Variants in WDR62 observed in about 807,000 individuals in gnomAD.
WDR62 encodes WD repeat domain 62.
A neutral mutation model predicts 160.6 loss-of-function variants in WDR62; 112 were observed. The observed-to-expected ratio is 0.70, with a 90% CI of 0.60 to 0.82. The LOEUF (loss-of-function observed/expected upper bound fraction) is 0.82, where lower values mean the gene tolerates loss of function less well. Among genes scored for constraint, WDR62 ranks in the 40% least tolerant of loss-of-function variants. WDR62 has a pLI of 0.00. For missense variants in WDR62, 1,819 were observed against 1,983.8 expected (o/e 0.92, Z 1.58); for synonymous variants, 792 against 815.1 (o/e 0.97, Z 0.48).
Position 36,071,730 on chromosome 19 carries a change from G to A in WDR62, c.1043+14G>A. 1 of 1,606,844 alleles carries A rather than the reference G, an allele frequency of 6.2e-7. No individual in the cohort carries two copies. The highest frequency in any genetic ancestry group is 8.5e-7 in the Non-Finnish European group (1 of 1,174,726). On this transcript the variant is annotated intron_variant, in intron 8 of 31. Coordinates refer to ENST00000401500, the MANE Select transcript of WDR62 (RefSeq NM_001083961.2). ...CCTGGAGCCCAGGTACTGCCCTGTG[G>A]GGAGAGGGAATGGGAGGGGCCCACC...
rs949925443 is a variant in WDR62 at position 36,100,217 on chromosome 19, C to T, written c.2740-531C>T. On this transcript the variant is annotated intron_variant, in intron 22 of 31. Coordinates refer to ENST00000401500, the MANE Select transcript of WDR62 (RefSeq NM_001083961.2). ...TAGGGCCTGGGCTCTTAGAGGTGCC[C>T]GTGCAACTTTAGCTCTTTCTCTACT... Among the ~76,000 whole-genome samples the T allele has an allele frequency of 2.3e-4, 35 of 152,292 alleles. 1 individual carries two copies. Among genetic ancestry groups the T allele is most frequent in the South Asian group, 1.5e-3 (7 of 4,826 alleles).
At chr19:36,072,952 C>T (rs1384067018) in intron 8 of WDR62, among the ~76,000 whole-genome samples, 1 of 152,156 alleles carries the variant, frequency 6.6e-6, no homozygotes, top group Admixed American at 6.5e-5. Flanking sequence ...GGGACAGCTC[C>T]CCAGCCTCCT....
At chr19:36,080,456 C>T (rs539148023) in intron 9 of WDR62, among the ~76,000 whole-genome samples, 12 of 146,218 alleles carry the variant, frequency 8.2e-5, no homozygotes, top group East Asian at 6.2e-4. Context: ...GATGGAGTTT[C>T]GCTCTTGTTA....
At chr19:36,077,097 C>T (rs1599782102) in intron 9 of WDR62, among the ~76,000 whole-genome samples, 1 of 152,014 alleles carries the variant, frequency 6.6e-6, no homozygotes, top group Admixed American at 6.6e-5. Context: ...CATCATTACT[C>T]TCTAGTTTCA....
At chr19:36,055,197 TC>T (rs1345658897) in intron 1 of WDR62, 49 bp downstream of exon 1, 2 of 1,557,866 alleles carry the variant, frequency 1.3e-6, no homozygotes, top group African/African-American at 1.4e-5. Flanking sequence ...TTCCTAGGTT[TC>T]CCCTAGTCCC....
At chr19:36,078,186 C>T (rs1229803560) in intron 9 of WDR62, among the ~76,000 whole-genome samples, 1 of 147,322 alleles carries the variant, frequency 6.8e-6, no homozygotes, top group Non-Finnish European at 1.5e-5. Flanking sequence ...CTCACTCTGT[C>T]GCCCAGGCTG....
chr19:36,093,102 G>T (rs898923917), intron 19 of WDR62, among the ~76,000 whole-genome samples: 20 of 152,220 alleles, frequency 1.3e-4, no homozygotes, highest in Admixed American at 7.9e-4. Context: ...CTCACAAAGT[G>T]CTGGGATCAC....
chr19:36,085,069 G>T (rs996866836), intron 12 of WDR62, among the ~76,000 whole-genome samples: 75 of 152,178 alleles, frequency 4.9e-4, no homozygotes, highest in African/African-American at 1.8e-3. Flanking sequence ...GAAGCCTATA[G>T]AAATATTGGG....
Position 36,103,412 on chromosome 19 carries a change from C to G in WDR62, c.3584C>G (p.Pro1195Arg). The G allele has an allele frequency of 6.2e-7, 1 of 1,614,098 alleles. No homozygotes were observed. The highest frequency in any genetic ancestry group is 8.5e-7 in the Non-Finnish European group (1 of 1,180,008). ...GTGCTGCCCACAGACAGGAATCTCC[C>G]AACGCCCACATCTGCACCCACCCCA... ...SSVLPTDRNL[P>R]TPTSAPTPGL... The change falls in exon 30 of 32, where the codon CCA (proline) becomes CGA (arginine). Residue 1195 changes from proline to arginine, a missense_variant. Pro to Arg is a moderately radical substitution (Grantham distance 103, BLOSUM62 -2). Coordinates refer to ENST00000401500, the MANE Select transcript of WDR62 (RefSeq NM_001083961.2).
In WDR62 at chr19:36,091,474, T is replaced by C. The variant is rs552574079; in HGVS notation, c.2210+9T>C. The C allele has an allele frequency of 3.7e-6, 6 of 1,613,594 alleles. No individual in the cohort carries two copies. The highest frequency in any genetic ancestry group is 4.2e-6 in the Non-Finnish European group (5 of 1,179,646). ...ACAGTATCTGGAGACAGGTGGGACA[T>C]GGACCTTTGGGAGAGTTGTGGCTCA... On this transcript the variant is annotated intron_variant, in intron 18 of 31. Transcript: ENST00000401500.
chr19:36,086,750 A>C lies in WDR62; in HGVS notation c.1706A>C (p.Asn569Thr). The change falls in exon 13 of 32, where the codon AAC becomes ACC. Residue 569 changes from asparagine (N) to threonine (T), a missense_variant. By Grantham distance (65) the Asn-to-Thr change is moderately conservative. Coordinates refer to ENST00000401500, the MANE Select transcript of WDR62 (RefSeq NM_001083961.2). ...ATCCATGTGCTGAACGTGGAGAAGA[A>C]CTACAACCTGGAGCAGACGCTGGAT... Reference protein sequence around the residue: ...RLIHVLNVEKNYNLEQTLDDH... With the variant: ...RLIHVLNVEKTYNLEQTLDDH... 1.2e-6 allele frequency: 2 copies of C among 1,608,088 alleles called. No homozygotes were observed. Among genetic ancestry groups the C allele is most frequent in the Non-Finnish European group, 1.7e-6 (2 of 1,176,906 alleles).
chr19:36,092,048 C>G (rs974495577), intron 18 of WDR62, among the ~76,000 whole-genome samples: 1 of 152,092 alleles, frequency 6.6e-6, no homozygotes, highest in East Asian at 1.9e-4. Flanking sequence ...CAGTGGCTCA[C>G]GCCTGTGATC....
Position 36,069,358 on chromosome 19 carries a change from G to T in WDR62, c.882+1348G>T, listed in dbSNP as rs187218556. On this transcript the variant is annotated intron_variant, in intron 7 of 31. Transcript: ENST00000401500. ...CGCTCCTCACCTCCCAGACAGGGTC[G>T]CGGCCGGGTAGAGGCGCTCCTCACA... is the stretch of plus-strand genomic sequence containing the variant. Among the ~76,000 whole-genome samples, 1,009 of 152,150 alleles carry T rather than the reference G, an allele frequency of 6.6e-3. 13 individuals carry two copies. The highest frequency in any genetic ancestry group is 0.023 in the African/African-American group (970 of 41,506).
At chr19:36,109,870 A>G (rs1381193241), downstream of WDR62, among the ~76,000 whole-genome samples, 1 of 151,732 alleles carries the variant, frequency 6.6e-6, no homozygotes, top group Non-Finnish European at 1.5e-5. Flanking sequence ...CCTGGCCAAC[A>G]TGGTGAAACC....
rs530123471 is a variant in WDR62, at chr19:36,082,213, G to A, written c.1371+643G>A. 3.9e-5 allele frequency among the ~76,000 whole-genome samples: 6 copies of A among 152,324 alleles called. No individual in the cohort carries two copies. In the East Asian group the frequency reaches 7.7e-4, roughly 20 times the overall value. ...GAGGGCCGACAGTGAACTGACAGCC[G>A]ACCATGTTAATGCACAATCACAAGT... On this transcript the variant is annotated intron_variant, in intron 10 of 31. Transcript: ENST00000401500.
chr19:36,082,989 T>G, intron 10 of WDR62, 74 bp from the exon 11 acceptor site: 18 of 1,348,158 alleles, frequency 1.3e-5, no homozygotes, highest in Non-Finnish European at 1.9e-5. Flanking sequence ...AAGAAGAGAC[T>G]GGCTATGGAG....
chr19:36,104,029 T>G, intron 30 of WDR62, 48 bp downstream of exon 30: 1 of 1,595,306 alleles, frequency 6.3e-7, no homozygotes, highest in Non-Finnish European at 8.5e-7. Flanking sequence ...TCATCCTGTG[T>G]GCTAGTTGGC....
In WDR62 at chr19:36,079,869, T is replaced by A. The variant is rs116006749; in HGVS notation, c.1234-1564T>A. The stretch of plus-strand genomic sequence containing the variant: ...TGAGTTTTGCTATAAATGTTGTCTG[T>A]AGGTTTGGGTTTTGCTATCTGGTTG... On this transcript the variant is annotated intron_variant, in intron 9 of 31. Coordinates refer to ENST00000401500, the MANE Select transcript of WDR62 (RefSeq NM_001083961.2). 6.9e-3 allele frequency among the ~76,000 whole-genome samples: 1,045 copies of A among 152,288 alleles called. 9 individuals are homozygous for A. Among genetic ancestry groups the A allele is most frequent in the African/African-American group, 0.024 (990 of 41,540 alleles).
At chr19:36,083,898 A>G (rs1972050280) in intron 11 of WDR62, among the ~76,000 whole-genome samples, 1 of 152,062 alleles carries the variant, frequency 6.6e-6, no homozygotes, top group Admixed American at 6.5e-5. Flanking sequence ...GAAAGTGCCG[A>G]TTTTTTTCTG....
Sources: allele counts gnomAD v4.1 joint callset (sites outside exome capture counted in the v4.1 genomes callset), GRCh38; gene constraint gnomAD v4.1.1; transcripts MANE v1.5; gene names NCBI Gene and HGNC (gene_info 2026-07-23, HGNC 2026-07-21).